CYP19A1: variants seen among roughly 807,000 people sequenced by gnomAD.
CYP19A1 encodes the protein cytochrome P450 family 19 subfamily A member 1, also known as aromatase.
CYP19A1 carries 32 observed loss-of-function variants against 44.4 expected under a neutral mutation model. The ratio of observed to expected loss-of-function variants is 0.72; its 90% CI spans 0.54 to 0.97. The LOEUF is 0.97. CYP19A1 is among the 50% of genes least tolerant of loss of function. The pLI is 0.00. For missense variants in CYP19A1, 598 were observed against 637.8 expected (o/e 0.94, Z 0.67); for synonymous variants, 212 against 215.6 (o/e 0.98, Z 0.14).
rs529534602 is a variant in CYP19A1, at chr15:51,286,875, A to G, written c.-38-43925T>C. ...TTGACCCCTGACCCAGGAGATCTTG[A>G]GAGAAGTGAGCCACAGCAGATTCAG... is the stretch of plus-strand genomic sequence containing the variant. On this transcript the variant is annotated intron_variant, in intron 1 of 9. Coordinates refer to ENST00000396402, the MANE Select transcript of CYP19A1 (RefSeq NM_000103.4). Among the ~76,000 whole-genome samples, 21 of 152,336 alleles carry G rather than the reference A, an allele frequency of 1.4e-4. No individual in the cohort carries two copies. In the East Asian group the frequency reaches 3.9e-3, roughly 28 times the overall value.
At chr15:51,295,011 A>G (rs1457429580) in intron 1 of CYP19A1, among the ~76,000 whole-genome samples, 1 of 151,856 alleles carries the variant, frequency 6.6e-6, no homozygotes, top group African/African-American at 2.4e-5. Flanking sequence ...AAAAAAAAAA[A>G]AGAATGCCTG....
chr15:51,325,167 C>A (rs2036587099), intron 1 of CYP19A1, among the ~76,000 whole-genome samples: 1 of 152,040 alleles, frequency 6.6e-6, no homozygotes, highest in East Asian at 1.9e-4. Context: ...GGGCAAGAAG[C>A]AAGAGACCCT....
At chr15:51,235,389 G>C (rs911640247) in intron 3 of CYP19A1, among the ~76,000 whole-genome samples, 4 of 152,150 alleles carry the variant, frequency 2.6e-5, no homozygotes, top group African/African-American at 9.7e-5. Flanking sequence ...TTGCTAACAA[G>C]TTCCCAGGCT....
chr15:51,278,383 C>T (rs2035401569), intron 1 of CYP19A1, among the ~76,000 whole-genome samples: 1 of 152,276 alleles, frequency 6.6e-6, no homozygotes, highest in East Asian at 1.9e-4. Context: ...TCATGCCTCC[C>T]TTCCATGGAG....
intron 3 of CYP19A1, among the ~76,000 whole-genome samples, chr15:51,234,276 G>C (rs1452401893): frequency 6.6e-6 from 1 of 152,136 alleles, no homozygotes; most frequent in African/African-American, 2.4e-5. Flanking sequence ...GGCAATTAAA[G>C]AGAACACAAA....
intron 1 of CYP19A1, among the ~76,000 whole-genome samples, chr15:51,330,602 G>A (rs1209758096): frequency 6.6e-6 from 1 of 152,190 alleles, no homozygotes; most frequent in Non-Finnish European, 1.5e-5. Flanking sequence ...GGTGGTCAGA[G>A]GCCTCGGCAG....
intron 1 of CYP19A1, among the ~76,000 whole-genome samples, chr15:51,299,143 G>A (rs1363040365): frequency 2.0e-5 from 3 of 152,170 alleles, no homozygotes; most frequent in Non-Finnish European, 4.4e-5. Context: ...TTGTTGATGG[G>A]CATCTTCTGT....
intron 1 of CYP19A1, among the ~76,000 whole-genome samples, chr15:51,265,812 G>A (rs1008411925): frequency 1.3e-5 from 2 of 152,100 alleles, no homozygotes; most frequent in Admixed American, 6.5e-5. Flanking sequence ...GGGGCTCTCC[G>A]CTCTCCTCAG....
chr15:51,216,282 C>T (rs1307782785), intron 6 of CYP19A1, among the ~76,000 whole-genome samples: 1 of 152,154 alleles, frequency 6.6e-6, no homozygotes, highest in East Asian at 1.9e-4. Context: ...GACAAAGTCT[C>T]AATCTGTCAC....
At position 51,210,327 on chromosome 15, in the gene CYP19A1, A is replaced by G; in HGVS notation, c.*481T>C. ...CTATGAATGTTGCTTTTCCACCTCCACAGAAAACAAAATTAAAGTACTTTA... is the reference window on the plus strand; with the variant it reads ...CTATGAATGTTGCTTTTCCACCTCCGCAGAAAACAAAATTAAAGTACTTTA... On this transcript the variant is annotated 3_prime_UTR_variant, in exon 10 of 10. Transcript: ENST00000396402. 2.1e-6 allele frequency: 1 copy of G among 474,388 alleles called. No individual in the cohort carries two copies. Among genetic ancestry groups the G allele is most frequent in the South Asian group, 1.5e-5 (1 of 64,644 alleles). The allele number at this position is 474,388 out of a possible 1,614,324, so 29.4% of individuals were successfully genotyped here.
intron 1 of CYP19A1, among the ~76,000 whole-genome samples, chr15:51,247,203 A>T (rs1240527860): frequency 6.6e-6 from 1 of 151,992 alleles, no homozygotes. Context: ...GATCATGAGC[A>T]TCTCTCCAGC....
At chr15:51,223,589 T>TCACACACACACACA (rs1324311926) in intron 4 of CYP19A1, among the ~76,000 whole-genome samples, 3 of 66,228 alleles carry the variant, frequency 4.5e-5, no homozygotes, top group South Asian at 7.5e-4. Flanking sequence ...TCTCTCTCTC[T>TCACACACACACACA]CTCTCACACA....
chr15:51,273,270 GGAGA>G (rs2035193392), intron 1 of CYP19A1, among the ~76,000 whole-genome samples: 1 of 152,062 alleles, frequency 6.6e-6, no homozygotes, highest in Non-Finnish European at 1.5e-5. Flanking sequence ...TTTTTATACA[GGAGA>G]GAAACTATAT....
intron 1 of CYP19A1, among the ~76,000 whole-genome samples, chr15:51,258,216 A>C (rs993141730): frequency 6.6e-6 from 1 of 152,202 alleles, no homozygotes; most frequent in Non-Finnish European, 1.5e-5. Flanking sequence ...GACCGGAGGC[A>C]GTAGGTAAGA....
At chr15:51,241,917 G>T (rs911286466) in intron 2 of CYP19A1, among the ~76,000 whole-genome samples, 1 of 152,032 alleles carries the variant, frequency 6.6e-6, no homozygotes, top group East Asian at 1.9e-4. Flanking sequence ...TTACCAGTGT[G>T]TAACTATGCT....
chr15:51,300,044 C>A (rs539744658), intron 1 of CYP19A1, among the ~76,000 whole-genome samples: 1 of 152,202 alleles, frequency 6.6e-6, no homozygotes, highest in South Asian at 2.1e-4. Context: ...AAGAGTGAAA[C>A]GGCAACCGGT....
chr15:51,329,396 G>A (rs926125693), intron 1 of CYP19A1, among the ~76,000 whole-genome samples: 1 of 152,172 alleles, frequency 6.6e-6, no homozygotes, highest in African/African-American at 2.4e-5. Flanking sequence ...CTGCCCCCAG[G>A]ATTTCCACCC....
intron 4 of CYP19A1, among the ~76,000 whole-genome samples, chr15:51,223,549 C>T (rs933789510): frequency 5.4e-5 from 8 of 148,306 alleles, no homozygotes; most frequent in Non-Finnish European, 1.0e-4. Flanking sequence ...CAGAAGAAGA[C>T]TATCCTCTCT....
At chr15:51,273,706 T>C (rs2035206177) in intron 1 of CYP19A1, among the ~76,000 whole-genome samples, 1 of 151,906 alleles carries the variant, frequency 6.6e-6, no homozygotes, top group Admixed American at 6.6e-5. Context: ...AAGAATGCTA[T>C]GCTTTTTAAA....
Sources: allele counts gnomAD v4.1 joint callset (sites outside exome capture counted in the v4.1 genomes callset), GRCh38; gene constraint gnomAD v4.1.1; transcripts MANE v1.5; gene names NCBI Gene and HGNC (gene_info 2026-07-23, HGNC 2026-07-21).